The following ZDHHC15 variants were observed in gnomAD, a reference collection of about 807,000 sequenced individuals.
ZDHHC15 encodes zDHHC palmitoyltransferase 15.
In ZDHHC15, 19 loss-of-function variants were observed where a neutral mutation model predicts 31.7. The observed-to-expected ratio is 0.60, with a 90% CI of 0.42 to 0.88. ZDHHC15 has a LOEUF of 0.88. Ranked by LOEUF, ZDHHC15 falls within the 40% of genes least tolerant of loss-of-function variation. The pLI, the probability that ZDHHC15 is intolerant of heterozygous loss-of-function variation, is 0.00. For synonymous variants in ZDHHC15, 103 were observed against 90.0 expected (o/e 1.14, Z -0.82); for missense variants, 209 against 251.2 (o/e 0.83, Z 1.14).
At chrX:75,488,039 A>T (rs1177610511) in intron 2 of ZDHHC15, among the ~76,000 whole-genome samples, 1 of 112,469 alleles carries the variant, frequency 8.9e-6, no homozygotes, top group Non-Finnish European at 1.9e-5. Flanking sequence ...TCAAATGTCC[A>T]AACATAAGAA....
At chrX:75,435,468 G>C (rs754238124) in intron 4 of ZDHHC15, among the ~76,000 whole-genome samples, 2 of 112,029 alleles carry the variant, frequency 1.8e-5, no homozygotes, top group East Asian at 5.6e-4. Context: ...GTATAATTTA[G>C]CTGTGGGTTT....
At position 75,518,812 on chromosome X, in the gene ZDHHC15, C is replaced by G. The variant is rs199766696; in HGVS notation, c.136+4077G>C. Among the ~76,000 whole-genome samples, 27 of 20,325 alleles carry G rather than the reference C, an allele frequency of 1.3e-3. 1 individual carries two copies. Among genetic ancestry groups the G allele is most frequent in the African/African-American group, 3.5e-3 (27 of 7,672 alleles). 17.6% of individuals were successfully genotyped at this position (20,325 alleles called of 115,157 possible). On this transcript the variant is annotated intron_variant, in intron 1 of 11. Coordinates refer to ENST00000373367, the MANE Select transcript of ZDHHC15 (RefSeq NM_144969.3). ...ATATATATATATATATATATACACA[C>G]ACACACACACACACACACACACACA...
intron 4 of ZDHHC15, among the ~76,000 whole-genome samples, chrX:75,439,513 T>C (rs938675704): frequency 8.9e-6 from 1 of 111,970 alleles, no homozygotes; most frequent in African/African-American, 3.2e-5. Context: ...TTCCAGAAGC[T>C]GTGGATGTTT....
chrX:75,397,134 C>G (rs371007501), intron 10 of ZDHHC15, among the ~76,000 whole-genome samples: 1 of 110,171 alleles, frequency 9.1e-6, no homozygotes. Flanking sequence ...CGAGACCAGC[C>G]TGGCCAACAT....
intron 10 of ZDHHC15, 149 bp downstream of exon 10, chrX:75,416,938 T>C: frequency 4.9e-6 from 2 of 404,199 alleles, no homozygotes. Flanking sequence ...TACCCATGGT[T>C]ACTAAACAAA....
At chrX:75,399,616 G>A (rs960781197) in intron 10 of ZDHHC15, among the ~76,000 whole-genome samples, 4 of 111,677 alleles carry the variant, frequency 3.6e-5, no homozygotes, top group Middle Eastern at 4.6e-3. Context: ...CTGCCTCTAC[G>A]CTGGGGAAGG....
intron 10 of ZDHHC15, among the ~76,000 whole-genome samples, chrX:75,399,638 T>C (rs2083334786): frequency 9.0e-6 from 1 of 111,366 alleles, no homozygotes; most frequent in Admixed American, 9.5e-5. Flanking sequence ...ACATAAGCAC[T>C]AAGATCACCC....
At chrX:75,373,937 T>G (rs935572957) in intron 11 of ZDHHC15, among the ~76,000 whole-genome samples, 2 of 91,631 alleles carry the variant, frequency 2.2e-5, no homozygotes, top group African/African-American at 7.6e-5. Context: ...TTTTTTTTTT[T>G]TTTTTTTTTT....
intron 3 of ZDHHC15, among the ~76,000 whole-genome samples, chrX:75,469,959 G>C (rs1272670102): frequency 1.8e-5 from 2 of 111,392 alleles, no homozygotes; most frequent in Non-Finnish European, 3.8e-5. Flanking sequence ...GTATCTCATT[G>C]TTTTGATTTG....
At chrX:75,457,810 A>G (rs909099053) in intron 3 of ZDHHC15, among the ~76,000 whole-genome samples, 1 of 111,637 alleles carries the variant, frequency 9.0e-6, no homozygotes, top group Non-Finnish European at 1.9e-5. Flanking sequence ...AAACAATACA[A>G]AAACTATTTA....
chrX:75,473,423 G>A (rs902576192), intron 3 of ZDHHC15, among the ~76,000 whole-genome samples: 1 of 111,049 alleles, frequency 9.0e-6, no homozygotes, highest in African/African-American at 3.3e-5. Flanking sequence ...TTTGCTTCCT[G>A]TTCCCACAAC....
At chrX:75,517,051 C>T (rs1471404307) in intron 1 of ZDHHC15, among the ~76,000 whole-genome samples, 1 of 111,860 alleles carries the variant, frequency 8.9e-6, no homozygotes, top group Non-Finnish European at 1.9e-5. Flanking sequence ...CATCTCACAC[C>T]AGTTAGAATG....
At chrX:75,484,639 C>A (rs780627213) in intron 2 of ZDHHC15, among the ~76,000 whole-genome samples, 3 of 111,937 alleles carry the variant, frequency 2.7e-5, no homozygotes, top group Non-Finnish European at 5.6e-5. Context: ...GGTAGAACTG[C>A]TTTGGAAAAC....
At chrX:75,435,409 T>TG (rs2083837807) in intron 4 of ZDHHC15, among the ~76,000 whole-genome samples, 1 of 111,984 alleles carries the variant, frequency 8.9e-6, no homozygotes, top group Admixed American at 9.5e-5. Context: ...TGGGCATCTT[T>TG]GTCTTGTTCC....
intron 2 of ZDHHC15, among the ~76,000 whole-genome samples, chrX:75,500,159 A>G (rs975383287): frequency 9.1e-6 from 1 of 109,965 alleles, no homozygotes; most frequent in Non-Finnish European, 1.9e-5. Flanking sequence ...AAGGCTACGC[A>G]CTGGGTTCAG....
rs911795771 is a variant in ZDHHC15 at position 75,506,847 on chromosome X, A to G, written c.137-1000T>C. Among the ~76,000 whole-genome samples the G allele has an allele frequency of 2.7e-5, 3 of 111,953 alleles. No homozygotes were observed. In the Admixed American group the frequency reaches 2.9e-4, roughly 11 times the overall value. The stretch of plus-strand genomic sequence containing the variant: ...TAGTTTCTTGGAGACCAATATTAAT[A>G]AGGAGGAGCTGATAAATTGCTGTTT... On this transcript the variant is annotated intron_variant, in intron 1 of 11. Transcript: ENST00000373367.
chrX:75,417,747 G>A (rs1315188837), intron 9 of ZDHHC15, among the ~76,000 whole-genome samples: 1 of 111,784 alleles, frequency 8.9e-6, no homozygotes, highest in Non-Finnish European at 1.9e-5. Flanking sequence ...GTCTCGCTTT[G>A]TGGCTACCTG....
chrX:75,494,971 G>T (rs1443080405), intron 2 of ZDHHC15, among the ~76,000 whole-genome samples: 2 of 111,807 alleles, frequency 1.8e-5, no homozygotes, highest in African/African-American at 3.3e-5. Flanking sequence ...CACAGCAAAA[G>T]AAACTACCAT....
chrX:75,400,503 T>A (rs2083344852), intron 10 of ZDHHC15, among the ~76,000 whole-genome samples: 1 of 111,490 alleles, frequency 9.0e-6, no homozygotes, highest in Non-Finnish European at 1.9e-5. Context: ...AAGCTACAAA[T>A]CATTGGCATC....
Sources: allele counts gnomAD v4.1 joint callset (sites outside exome capture counted in the v4.1 genomes callset), GRCh38; gene constraint gnomAD v4.1.1; transcripts MANE v1.5; gene names NCBI Gene and HGNC (gene_info 2026-07-23, HGNC 2026-07-21).